Variants in ATG10 observed in about 807,000 individuals in gnomAD.
The protein encoded by ATG10 is ubiquitin-like-conjugating enzyme ATG10.
Under a neutral mutation model 32.1 loss-of-function variants are expected in ATG10, and 30 were observed. The observed-to-expected ratio is 0.94, with a 90% CI of 0.70 to 1.27. The LOEUF is 1.27. ATG10 is among the 50% of genes most tolerant of loss of function. The pLI, the probability that ATG10 is intolerant of heterozygous loss-of-function variation, is 0.00. For synonymous variants in ATG10, 87 were observed against 91.5 expected, an observed-to-expected ratio of 0.95 and a Z score of 0.28; for missense variants, 233 against 262.3, an observed-to-expected ratio of 0.89 and a Z score of 0.77.
At position 82,138,751 on chromosome 5, in the gene ATG10, T is replaced by A. The variant is rs564319831; in HGVS notation, c.217-25648T>A. Among the ~76,000 whole-genome samples, 3 of 152,196 alleles carry A rather than the reference T, an allele frequency of 2.0e-5. No individual in the cohort carries two copies. In the South Asian group the frequency reaches 6.2e-4, roughly 32 times the overall value. On this transcript the variant is annotated intron_variant, in intron 3 of 7. Coordinates refer to ENST00000282185, the MANE Select transcript of ATG10 (RefSeq NM_031482.5). ...TTTGACATATTTATAGAAAGTAGTA[T>A]CAATAACATTATTACTATTTAAATT...
chr5:81,985,545 ACT>A (rs145230108), intron 1 of ATG10, among the ~76,000 whole-genome samples: 27,290 of 151,714 alleles, frequency 0.18, 2,981 homozygotes, highest in Middle Eastern at 0.27. Flanking sequence ...ATTAAACCCA[ACT>A]CTCTTCCCAA....
chr5:82,140,102 C>T (rs1253382597), intron 3 of ATG10, among the ~76,000 whole-genome samples: 1 of 134,474 alleles, frequency 7.4e-6, no homozygotes, highest in South Asian at 2.4e-4. Context: ...GCCGCCCCGT[C>T]TGGGAGGTGA....
intron 2 of ATG10, among the ~76,000 whole-genome samples, chr5:82,014,725 C>T (rs897368848): frequency 2.6e-5 from 4 of 152,202 alleles, no homozygotes; most frequent in African/African-American, 7.2e-5. Context: ...ATGTGTGTCT[C>T]TGCACGTGAG....
At chr5:82,141,733 C>T (rs1237837348) in intron 3 of ATG10, among the ~76,000 whole-genome samples, 1 of 151,762 alleles carries the variant, frequency 6.6e-6, no homozygotes, top group Admixed American at 6.6e-5. Context: ...AGTGTAGTCT[C>T]CTTTTTGTCT....
chr5:81,994,187 C>T (rs1378289572), intron 2 of ATG10, among the ~76,000 whole-genome samples: 1 of 151,734 alleles, frequency 6.6e-6, no homozygotes, highest in Non-Finnish European at 1.5e-5. Context: ...GATTTTTTTT[C>T]TTTGTTTCAG....
At chr5:82,110,370 G>A (rs1765579663) in intron 3 of ATG10, among the ~76,000 whole-genome samples, 1 of 152,106 alleles carries the variant, frequency 6.6e-6, no homozygotes, top group Non-Finnish European at 1.5e-5. Context: ...CTGAGGCATT[G>A]CCACACTGTC....
At chr5:82,215,129 C>T (rs1343695642) in intron 5 of ATG10, among the ~76,000 whole-genome samples, 5 of 152,132 alleles carry the variant, frequency 3.3e-5, no homozygotes, top group African/African-American at 4.8e-5. Context: ...ACTGGGCTGA[C>T]GTCATCTCAA....
intron 2 of ATG10, among the ~76,000 whole-genome samples, chr5:82,028,395 A>G (rs1223384277): frequency 6.6e-6 from 1 of 152,244 alleles, no homozygotes; most frequent in Non-Finnish European, 1.5e-5. Context: ...ATACTTTGAA[A>G]CAAATAAAGT....
chr5:82,180,912 G>T (rs1300269559), intron 5 of ATG10, among the ~76,000 whole-genome samples: 3 of 152,056 alleles, frequency 2.0e-5, no homozygotes, highest in African/African-American at 7.2e-5. Flanking sequence ...ATAAGAACAA[G>T]ATTTTGATAC....
intron 3 of ATG10, among the ~76,000 whole-genome samples, chr5:82,141,232 T>TA (rs1767116767): frequency 1.4e-5 from 2 of 147,278 alleles, no homozygotes; most frequent in Non-Finnish European, 3.0e-5. Context: ...AAAAAATAAA[T>TA]TAAAAAAAAA....
intron 4 of ATG10, 31 bp from the exon 5 acceptor site, chr5:82,178,459 C>T (rs1744114076): frequency 1.5e-6 from 2 of 1,321,900 alleles, no homozygotes; most frequent in Admixed American, 3.4e-5. Flanking sequence ...ACATGAATTA[C>T]TAACTCAGTC....
intron 4 of ATG10, among the ~76,000 whole-genome samples, chr5:82,165,977 CA>C (rs1743563794): frequency 6.6e-6 from 1 of 152,106 alleles, no homozygotes; most frequent in Non-Finnish European, 1.5e-5. Context: ...CTCCCAGAGA[CA>C]AAACAAGTTG....
At chr5:82,111,771 A>G (rs1472943917) in intron 3 of ATG10, among the ~76,000 whole-genome samples, 1 of 151,990 alleles carries the variant, frequency 6.6e-6, no homozygotes, top group South Asian at 2.1e-4. Flanking sequence ...TGAAGGGATG[A>G]TCTGTAAGTT....
At chr5:82,106,166 T>G (rs1765438947) in intron 3 of ATG10, among the ~76,000 whole-genome samples, 1 of 152,170 alleles carries the variant, frequency 6.6e-6, no homozygotes, top group Admixed American at 6.6e-5. Flanking sequence ...TCATTTACTT[T>G]CTTTAAAACA....
intron 5 of ATG10, among the ~76,000 whole-genome samples, chr5:82,187,263 C>A (rs1744483680): frequency 6.6e-6 from 1 of 152,030 alleles, no homozygotes; most frequent in South Asian, 2.1e-4. Flanking sequence ...GTAATCCCAG[C>A]ACTTTAGGAG....
chr5:82,242,478 T>C (rs1746843522), intron 5 of ATG10, among the ~76,000 whole-genome samples: 1 of 152,104 alleles, frequency 6.6e-6, no homozygotes, highest in Admixed American at 6.5e-5. Flanking sequence ...CTGAGAATTT[T>C]CCAGAATTGT....
At chr5:82,210,746 T>C (rs1435083763) in intron 5 of ATG10, among the ~76,000 whole-genome samples, 1 of 152,008 alleles carries the variant, frequency 6.6e-6, no homozygotes. Context: ...CAGTGGGAAA[T>C]GATAATACCT....
intron 2 of ATG10, among the ~76,000 whole-genome samples, chr5:82,046,355 A>G (rs1008951424): frequency 6.6e-6 from 1 of 152,180 alleles, no homozygotes; most frequent in African/African-American, 2.4e-5. Context: ...CTTTATAAGA[A>G]GAGGGAAATT....
At position 82,093,470 on chromosome 5, in the gene ATG10, T is replaced by C. The variant is rs1764956518; in HGVS notation, c.216+34868T>C. On this transcript the variant is annotated intron_variant, in intron 3 of 7. Coordinates refer to ENST00000282185, the MANE Select transcript of ATG10 (RefSeq NM_031482.5). ...GAAAAATATCTTCAGTGTCTCTGCT[T>C]AACATGTTCAAACCTTCCTCTAGCT... Among the ~76,000 whole-genome samples, 4 of 152,200 alleles carry C rather than the reference T, an allele frequency of 2.6e-5. No homozygotes were observed. In the South Asian group the frequency reaches 8.3e-4, roughly 31 times the overall value.
Sources: gnomAD v4.1 joint callset for allele counts (sites outside exome capture counted in the v4.1 genomes callset) on GRCh38, gnomAD v4.1.1 for gene constraint, MANE v1.5 for transcripts, NCBI Gene and HGNC (gene_info 2026-07-23, HGNC 2026-07-21) for gene names.